The following GJB7 variants were observed in gnomAD, a reference collection of about 807,000 sequenced individuals.
GJB7 encodes gap junction beta-7 protein.
For synonymous variants in GJB7, 87 were observed against 95.2 expected, an observed-to-expected ratio of 0.91 and a Z score of 0.50; for missense variants, 253 against 256.8, an observed-to-expected ratio of 0.99 and a Z score of 0.10.
intron 1 of GJB7, among the ~76,000 whole-genome samples, chr6:87,328,765 T>A (rs1582090188): frequency 1.3e-5 from 2 of 152,268 alleles, no homozygotes; most frequent in African/African-American, 4.8e-5. Context: ...CTCCTTGAGC[T>A]GTGGTGGGCT....
chr6:87,298,571 T>C (rs867668438), intron 2 of GJB7, among the ~76,000 whole-genome samples: 15 of 152,212 alleles, frequency 9.9e-5, no homozygotes, highest in African/African-American at 3.4e-4. Flanking sequence ...GTTCCTACTC[T>C]GTGTCTCAGA....
chr6:87,306,349 C>T (rs1455833663), intron 2 of GJB7, among the ~76,000 whole-genome samples: 1 of 152,130 alleles, frequency 6.6e-6, no homozygotes, highest in Non-Finnish European at 1.5e-5. Flanking sequence ...ACAACCCCAT[C>T]AAAAAGTGGG....
intron 1 of GJB7, among the ~76,000 whole-genome samples, chr6:87,326,567 T>C (rs1276698992): frequency 6.6e-6 from 1 of 150,554 alleles, no homozygotes; most frequent in African/African-American, 2.5e-5. Context: ...TTCCATGTAG[T>C]TGAGTGGTTT....
At chr6:87,296,904 G>T (rs992177646) in intron 2 of GJB7, among the ~76,000 whole-genome samples, 8 of 152,186 alleles carry the variant, frequency 5.3e-5, no homozygotes, top group Admixed American at 2.0e-4. Flanking sequence ...TGCAGGGGCT[G>T]ATCTTTAATA....
chr6:87,314,264 C>G (rs1197032672), intron 2 of GJB7, among the ~76,000 whole-genome samples: 1 of 152,168 alleles, frequency 6.6e-6, no homozygotes, highest in Admixed American at 6.5e-5. Context: ...AGGACCTTAG[C>G]CCTCCCTACC....
intron 2 of GJB7, among the ~76,000 whole-genome samples, chr6:87,305,507 C>G (rs1037435728): frequency 1.3e-5 from 2 of 152,154 alleles, no homozygotes; most frequent in African/African-American, 4.8e-5. Flanking sequence ...CTACAAACCA[C>G]TGCTCAAGGA....
At chr6:87,301,209 T>C (rs1166612157) in intron 2 of GJB7, among the ~76,000 whole-genome samples, 1 of 151,948 alleles carries the variant, frequency 6.6e-6, no homozygotes, top group Admixed American at 6.5e-5. Flanking sequence ...GCCCACCAAG[T>C]GTGAGCCAAA....
chr6:87,315,795 CAAAAAAAAAAA>C (rs1161194601), intron 2 of GJB7, among the ~76,000 whole-genome samples: 923 of 72,384 alleles, frequency 0.013, 14 homozygotes, highest in South Asian at 0.067. Flanking sequence ...GACTCTATCT[CAAAAAAAAAAA>C]AAAAAAAAAA....
intron 2 of GJB7, chr6:87,299,270 C>T (rs1034092403): frequency 1.3e-5 from 6 of 472,894 alleles, no homozygotes; most frequent in Middle Eastern, 7.6e-4. Context: ...CAGGTTGCTA[C>T]GATTTCTGCA....
intron 2 of GJB7, chr6:87,299,224 G>T: frequency 2.2e-6 from 1 of 447,952 alleles, no homozygotes; most frequent in Non-Finnish European, 4.5e-6. Flanking sequence ...AACTTAAGAA[G>T]CTGTCTGAAC....
At chr6:87,323,309 A>G (rs756254117) in intron 1 of GJB7, among the ~76,000 whole-genome samples, 58 of 152,210 alleles carry the variant, frequency 3.8e-4, no homozygotes, top group Middle Eastern at 3.4e-3. Context: ...GTTTTAGGGT[A>G]CATGTGCACA....
At chr6:87,309,406 T>A (rs1776485078) in intron 2 of GJB7, among the ~76,000 whole-genome samples, 1 of 152,230 alleles carries the variant, frequency 6.6e-6, no homozygotes, top group Non-Finnish European at 1.5e-5. Context: ...ACTGCCTGCA[T>A]CGTGGACTTC....
intron 2 of GJB7, among the ~76,000 whole-genome samples, chr6:87,289,589 G>A (rs1160141500): frequency 6.6e-6 from 1 of 152,162 alleles, no homozygotes; most frequent in Non-Finnish European, 1.5e-5. Flanking sequence ...TCAGGTCTCT[G>A]GGCTTGGCTC....
intron 1 of GJB7, among the ~76,000 whole-genome samples, chr6:87,324,216 T>C (rs571958495): frequency 1.1e-3 from 169 of 152,258 alleles, no homozygotes; most frequent in African/African-American, 3.8e-3. Flanking sequence ...TTCTCCCATT[T>C]TGTAGGTTGC....
chr6:87,316,284 G>T (rs1466375411), intron 2 of GJB7, among the ~76,000 whole-genome samples: 1 of 152,112 alleles, frequency 6.6e-6, no homozygotes, highest in African/African-American at 2.4e-5. Flanking sequence ...CCCAATCTCT[G>T]CAAGAGCTCA....
At chr6:87,288,376 T>C (rs1380187197) in intron 2 of GJB7, among the ~76,000 whole-genome samples, 26 of 152,236 alleles carry the variant, frequency 1.7e-4, no homozygotes, top group Admixed American at 1.6e-3. Context: ...TATAGAATAA[T>C]GTTTACAAAG....
At chr6:87,306,147 C>T (rs1272892266) in intron 2 of GJB7, among the ~76,000 whole-genome samples, 3 of 151,910 alleles carry the variant, frequency 2.0e-5, no homozygotes, top group Admixed American at 6.6e-5. Flanking sequence ...ACACCAAAAG[C>T]AATGGCAACA....
chr6:87,316,198 C>A lies in GJB7; in HGVS notation c.-28+6668G>T, dbSNP rs145720029. Among the ~76,000 whole-genome samples the A allele has an allele frequency of 2.8e-3, 422 of 152,270 alleles. 4 individuals carry two copies. The highest frequency in any genetic ancestry group is 8.4e-3 in the African/African-American group (348 of 41,546). On this transcript the variant is annotated intron_variant, in intron 2 of 2. Transcript: ENST00000525899. ...CCCACTTAAGCAAGAAGGAAATGAT[C>A]GCCTTTCCTATCAACTCCTATGCTA...
intron 2 of GJB7, among the ~76,000 whole-genome samples, chr6:87,304,277 C>T (rs1776384851): frequency 6.6e-6 from 1 of 152,052 alleles, no homozygotes. Flanking sequence ...TGATAGACCG[C>T]TAGCAAGATT....
Sources: allele counts gnomAD v4.1 joint callset (sites outside exome capture counted in the v4.1 genomes callset), GRCh38; gene constraint gnomAD v4.1.1; transcripts MANE v1.5; gene names NCBI Gene and HGNC (gene_info 2026-07-23, HGNC 2026-07-21).